AHCY: variants seen among roughly 807,000 people sequenced by gnomAD.
The protein encoded by AHCY is S-adenosyl-L-homocysteine hydrolase.
A neutral mutation model predicts 45.4 loss-of-function variants in AHCY; 24 were observed. That is an observed-to-expected ratio of 0.53 (90% confidence interval 0.38 to 0.74). The LOEUF is 0.74. Among genes scored for constraint, AHCY ranks in the 30% least tolerant of loss-of-function variants. AHCY has a pLI of 0.00. For synonymous variants in AHCY, 245 were observed against 235.1 expected, an observed-to-expected ratio of 1.04 and a Z score of -0.39; for missense variants, 449 against 594.1, an observed-to-expected ratio of 0.76 and a Z score of 2.54.
the AHCY span, among the ~76,000 whole-genome samples, chr20:34,274,171 T>G: frequency 6.6e-6 from 1 of 152,352 alleles, no homozygotes; most frequent in East Asian, 1.9e-4. Context: ...TCGAGGCCTG[T>G]GTGGTCTGCA....
the AHCY span, among the ~76,000 whole-genome samples, chr20:34,235,676 C>T: frequency 2.0e-5 from 3 of 151,086 alleles, no homozygotes; most frequent in Admixed American, 6.6e-5. Context: ...CCCTACTACT[C>T]AGGAGGCAGG....
chr20:34,243,242 G>GCC, the AHCY span, among the ~76,000 whole-genome samples: 1 of 152,156 alleles, frequency 6.6e-6, no homozygotes, highest in Non-Finnish European at 1.5e-5. Flanking sequence ...GACCCCTCAG[G>GCC]CAGTCTGGGC....
chr20:34,280,888 G>C lies in AHCY; in HGVS notation c.*146C>G, dbSNP rs950453348. 19 of 1,281,196 alleles carry C rather than the reference G, an allele frequency of 1.5e-5. No homozygotes were observed. The highest frequency in any genetic ancestry group is 2.1e-5 in the Non-Finnish European group (19 of 917,382). 79.4% of individuals were successfully genotyped at this position (1,281,196 alleles called of 1,614,324 possible). ...TTGGAACAGTATGACGGCTGCAGCA[G>C]AGGCCAAAAACTAAGTGATCAGCCC... On this transcript the variant is annotated 3_prime_UTR_variant, in exon 10 of 10. Coordinates refer to ENST00000217426, the MANE Select transcript of AHCY (RefSeq NM_000687.4).
upstream of AHCY, among the ~76,000 whole-genome samples, chr20:34,303,901 C>T (rs2036861647): frequency 1.3e-5 from 2 of 152,024 alleles, no homozygotes; most frequent in South Asian, 4.1e-4. Context: ...GACGCGGAGG[C>T]GGGAGGGAGG....
At chr20:34,240,334 A>C in the AHCY span, among the ~76,000 whole-genome samples, 4 of 152,150 alleles carry the variant, frequency 2.6e-5, no homozygotes, top group Non-Finnish European at 5.9e-5. Flanking sequence ...GCTGTGCCCC[A>C]AGTGCTTCTT....
chr20:34,236,742 C>T, the AHCY span, among the ~76,000 whole-genome samples: 1 of 152,080 alleles, frequency 6.6e-6, no homozygotes, highest in Non-Finnish European at 1.5e-5. Context: ...TATGCAAGTG[C>T]TGATACGAAG....
rs2036432527 is a variant in AHCY, at chr20:34,292,493, C to T, written c.310G>A (p.Gly104Ser). 6 of 1,613,986 alleles carry T rather than the reference C, an allele frequency of 3.7e-6. No homozygotes were observed. The highest frequency in any genetic ancestry group is 5.1e-6 in the Non-Finnish European group (6 of 1,180,052). The change falls in exon 4 of 10, where the codon GGC becomes AGC. Residue 104 changes from glycine (G) to serine (S), a missense_variant. Coordinates refer to ENST00000217426, the MANE Select transcript of AHCY (RefSeq NM_000687.4). Reference protein sequence around the residue: ...KAGIPVYAWKGETDEEYLWCI... With the variant: ...KAGIPVYAWKSETDEEYLWCI... ...CACAGGTACTCCTCGTCCGTTTCGC[C>T]CTTCCAGGCATACACTGGAGGGTGA...
chr20:34,293,123 A>C (rs577643969), intron 3 of AHCY, among the ~76,000 whole-genome samples: 11 of 152,206 alleles, frequency 7.2e-5, no homozygotes, highest in African/African-American at 1.9e-4. Context: ...ACCCCATCTC[A>C]TTCTTCCTCA....
chr20:34,262,880 A>G, the AHCY span: 1 of 1,614,050 alleles, frequency 6.2e-7, no homozygotes, highest in African/African-American at 1.3e-5. Flanking sequence ...GCAGAAAAGA[A>G]AAGATCTTCT....
chr20:34,290,481 T>A lies in AHCY; in HGVS notation c.855-32A>T, dbSNP rs971131498. ...GGCAGCCCAAGACCGTGGGAGATTG[T>A]CAGGGACAGAAAGCTGTCCCAACTC... On this transcript the variant is annotated intron_variant, in intron 7 of 9. Coordinates refer to ENST00000217426, the MANE Select transcript of AHCY (RefSeq NM_000687.4). The surrounding 1 kb of genome is among the most constrained non-coding windows in gnomAD (Gnocchi z 4.5). 7 of 1,613,730 alleles carry A rather than the reference T, an allele frequency of 4.3e-6. No individual in the cohort carries two copies. The Admixed American group carries it at 6.7e-5, about 15-fold the overall frequency.
intron 8 of AHCY, among the ~76,000 whole-genome samples, chr20:34,286,934 G>A (rs1333474091): frequency 2.6e-5 from 4 of 151,126 alleles, no homozygotes; most frequent in Admixed American, 1.3e-4. Flanking sequence ...TGCCAAGGTT[G>A]AGAACTCCCG....
intron 8 of AHCY, among the ~76,000 whole-genome samples, chr20:34,286,834 C>CAAAAAA (rs71194603): frequency 1.9e-5 from 1 of 53,732 alleles, no homozygotes; most frequent in African/African-American, 6.9e-5. Context: ...AACTCCGTCT[C>CAAAAAA]AAAAAAAAAA....
intron 1 of AHCY, among the ~76,000 whole-genome samples, chr20:34,299,320 C>G (rs1413812337): frequency 2.0e-5 from 3 of 152,150 alleles, no homozygotes; most frequent in African/African-American, 4.8e-5. Context: ...GCAAAATTAC[C>G]TAAGACCATG....
intron 1 of AHCY, among the ~76,000 whole-genome samples, chr20:34,297,907 G>C (rs1295531023): frequency 6.6e-6 from 1 of 152,204 alleles, no homozygotes; most frequent in African/African-American, 2.4e-5. Flanking sequence ...GGGAGGCCAA[G>C]GTGGGCAGAT....
intron 1 of AHCY, chr20:34,302,502 C>T (rs965669004): frequency 1.3e-5 from 9 of 715,158 alleles, no homozygotes; most frequent in African/African-American, 1.9e-5. Flanking sequence ...CCTCAGGATT[C>T]TCATCATAAA....
chr20:34,234,378 T>C, the AHCY span, among the ~76,000 whole-genome samples: 1 of 152,232 alleles, frequency 6.6e-6, no homozygotes, highest in Non-Finnish European at 1.5e-5. Flanking sequence ...GCTTTTGTTT[T>C]AGACCATTGT....
chr20:34,255,985 C>A, the AHCY span, among the ~76,000 whole-genome samples: 1 of 152,252 alleles, frequency 6.6e-6, no homozygotes, highest in Non-Finnish European at 1.5e-5. Context: ...CCTCCAGAGG[C>A]CTGACCATCT....
the AHCY span, among the ~76,000 whole-genome samples, chr20:34,234,032 A>AGCT: frequency 6.6e-6 from 1 of 152,214 alleles, no homozygotes; most frequent in East Asian, 1.9e-4. Context: ...CTGATTCAGA[A>AGCT]ACACAGAGTC....
chr20:34,235,914 G>GCGGGAGGGAGGGAA, the AHCY span, among the ~76,000 whole-genome samples: 46 of 127,696 alleles, frequency 3.6e-4, 7 homozygotes, highest in African/African-American at 1.7e-3. Context: ...AAGGAAGGAA[G>GCGGGAGGGAGGGAA]GAAGGAAGGA....
Sources: gnomAD v4.1 joint callset for allele counts (sites outside exome capture counted in the v4.1 genomes callset) on GRCh38, gnomAD v4.1.1 for gene constraint, Gnocchi (gnomAD v3.1) non-coding constraint, MANE v1.5 for transcripts, NCBI Gene and HGNC (gene_info 2026-07-23, HGNC 2026-07-21) for gene names.